ARMH3: variants seen among roughly 807,000 people sequenced by gnomAD.
ARMH3 encodes armadillo like helical domain containing 3.
ARMH3 carries 60 observed loss-of-function variants against 99.1 expected under a neutral mutation model. The observed-to-expected ratio is 0.61, with a 90% confidence interval of 0.49 to 0.75. ARMH3 has a LOEUF of 0.75. ARMH3 is among the 30% of genes least tolerant of loss of function. The pLI is 0.00. For missense variants in ARMH3, 679 were observed against 843.1 expected (o/e 0.81, Z 2.41); for synonymous variants, 285 against 292.8 (o/e 0.97, Z 0.27).
At chr10:101,892,648 A>G (rs2067722211) in intron 23 of ARMH3, among the ~76,000 whole-genome samples, 1 of 152,256 alleles carries the variant, frequency 6.6e-6, no homozygotes. Flanking sequence ...CACTTATCAT[A>G]GTACCTGGGA....
intron 23 of ARMH3, among the ~76,000 whole-genome samples, chr10:101,930,576 C>A (rs917502715): frequency 6.6e-6 from 1 of 152,162 alleles, no homozygotes; most frequent in African/African-American, 2.4e-5. Flanking sequence ...GGTCAGACAT[C>A]TCCTCAAAGG....
intron 23 of ARMH3, among the ~76,000 whole-genome samples, chr10:101,912,572 A>G (rs968102576): frequency 2.0e-5 from 3 of 152,092 alleles, no homozygotes; most frequent in Non-Finnish European, 4.4e-5. Context: ...TAACTTGTAG[A>G]CTCCATCAGG....
At chr10:102,026,791 CG>C (rs1206498155) in intron 5 of ARMH3, among the ~76,000 whole-genome samples, 1 of 152,064 alleles carries the variant, frequency 6.6e-6, no homozygotes, top group Non-Finnish European at 1.5e-5. Context: ...TACACACTAG[CG>C]TAAGATATAT....
At chr10:101,987,550 C>T (rs1256190556) in intron 19 of ARMH3, among the ~76,000 whole-genome samples, 1 of 152,136 alleles carries the variant, frequency 6.6e-6, no homozygotes, top group East Asian at 1.9e-4. Flanking sequence ...CAAGATGGAC[C>T]CCAATCTGGT....
intron 19 of ARMH3, among the ~76,000 whole-genome samples, chr10:101,980,237 C>T (rs1366254497): frequency 6.6e-6 from 1 of 152,150 alleles, no homozygotes; most frequent in South Asian, 2.1e-4. Flanking sequence ...AAAACTGAAC[C>T]TAGGTAAACT....
chr10:101,916,348 A>C (rs1843085869), intron 23 of ARMH3, among the ~76,000 whole-genome samples: 1 of 152,140 alleles, frequency 6.6e-6, no homozygotes, highest in Non-Finnish European at 1.5e-5. Context: ...GAAAACCATC[A>C]GCAACCTACC....
intron 2 of ARMH3, among the ~76,000 whole-genome samples, chr10:102,035,379 G>C (rs1198121776): frequency 6.6e-6 from 1 of 151,728 alleles, no homozygotes; most frequent in Admixed American, 6.6e-5. Flanking sequence ...AAGAAAACAA[G>C]CTCTCCCTTC....
intron 8 of ARMH3, among the ~76,000 whole-genome samples, chr10:102,021,019 T>C (rs1008211141): frequency 2.0e-5 from 3 of 152,182 alleles, no homozygotes; most frequent in Non-Finnish European, 4.4e-5. Flanking sequence ...TCATGTTTCA[T>C]GAAGATCAAC....
intron 23 of ARMH3, among the ~76,000 whole-genome samples, chr10:101,934,084 G>T (rs1843843357): frequency 6.6e-6 from 1 of 152,172 alleles, no homozygotes; most frequent in South Asian, 2.1e-4. Flanking sequence ...CTGCTTGAAG[G>T]CTTATTTCCT....
intron 5 of ARMH3, among the ~76,000 whole-genome samples, chr10:102,025,630 G>GTTTCTTTTCTTTTCT (rs537659996): frequency 6.6e-6 from 1 of 151,854 alleles, no homozygotes; most frequent in Middle Eastern, 3.2e-3. Flanking sequence ...AATTGTATAT[G>GTTTCTTTTCTTTTCT]TTTCTTTTCT....
intron 22 of ARMH3, among the ~76,000 whole-genome samples, chr10:101,941,730 A>G (rs546649108): frequency 1.3e-5 from 2 of 152,368 alleles, no homozygotes; most frequent in African/African-American, 4.8e-5. Context: ...TCTACAGTCT[A>G]AACTCAGGTT....
intron 20 of ARMH3, among the ~76,000 whole-genome samples, chr10:101,966,102 C>CTTTTTTTTTT (rs1047048779): frequency 1.6e-5 from 2 of 126,288 alleles, no homozygotes; most frequent in Admixed American, 8.0e-5. Context: ...TTTTTCTTTT[C>CTTTTTTTTTT]TTTTTTTTTT....
At chr10:102,049,316 C>T (rs1173219679) in intron 1 of ARMH3, among the ~76,000 whole-genome samples, 2 of 152,054 alleles carry the variant, frequency 1.3e-5, no homozygotes, top group African/African-American at 2.4e-5. Context: ...CTGAGGCGGG[C>T]GGATCACTTG....
chr10:101,903,398 G>A (rs1035983263), intron 23 of ARMH3, among the ~76,000 whole-genome samples: 1 of 152,142 alleles, frequency 6.6e-6, no homozygotes, highest in Non-Finnish European at 1.5e-5. Context: ...GTTCATAAAT[G>A]GAAAAGACAC....
chr10:102,020,603 G>A (rs992086052), intron 8 of ARMH3, among the ~76,000 whole-genome samples: 10 of 150,430 alleles, frequency 6.6e-5, no homozygotes, highest in African/African-American at 1.5e-4. Flanking sequence ...GGAGAATGGC[G>A]TGAACCCAGG....
At chr10:101,974,256 G>A (rs189753313) in intron 20 of ARMH3, among the ~76,000 whole-genome samples, 1 of 152,294 alleles carries the variant, frequency 6.6e-6, no homozygotes, top group East Asian at 1.9e-4. Context: ...GCCAAACTGG[G>A]TTGGGAGGAA....
intron 24 of ARMH3, among the ~76,000 whole-genome samples, chr10:101,853,751 G>A: frequency 6.6e-6 from 1 of 152,152 alleles, no homozygotes; most frequent in East Asian, 1.9e-4. Flanking sequence ...GCTCTCCAAG[G>A]AATCCTCACA....
rs557475711 is a variant in ARMH3, at chr10:101,889,872, C to A, written c.1782-382G>T. On this transcript the variant is annotated intron_variant, in intron 23 of 25. Transcript: ENST00000370033. ...TTGTCTGACTTGGGAGAACAGGGCA[C>A]TCAGTAAAGCTGGGCCAACAACATA... 9.3e-5 allele frequency: 18 copies of A among 193,314 alleles called. No homozygotes were observed. In the South Asian group the frequency reaches 2.0e-3, roughly 21 times the overall value. 12.0% of individuals were successfully genotyped at this position (193,314 alleles called of 1,614,324 possible).
intron 4 of ARMH3, among the ~76,000 whole-genome samples, chr10:102,030,499 A>C (rs1242386418): frequency 3.3e-5 from 5 of 152,284 alleles, no homozygotes; most frequent in South Asian, 4.2e-4. Flanking sequence ...ACCTGAGGTC[A>C]GGAGTTCGAG....
Sources: gnomAD v4.1 joint callset for allele counts (sites outside exome capture counted in the v4.1 genomes callset) on GRCh38, gnomAD v4.1.1 for gene constraint, MANE v1.5 for transcripts, NCBI Gene and HGNC (gene_info 2026-07-23, HGNC 2026-07-21) for gene names.